NTM: variants seen among roughly 807,000 people sequenced by gnomAD.
The protein encoded by NTM is IgLON family member 2.
In NTM, 13 loss-of-function variants were observed where a neutral mutation model predicts 42.1. The ratio of observed to expected loss-of-function variants is 0.31; its 90% CI spans 0.20 to 0.49. The LOEUF (loss-of-function observed/expected upper bound fraction) is 0.49, where lower values mean the gene tolerates loss of function less well. Among genes scored for constraint, NTM ranks in the 20% least tolerant of loss-of-function variants. The probability of loss-of-function intolerance (pLI) is 0.99; values close to 1 mark genes in which losing one functional copy is unlikely to be tolerated. For synonymous variants in NTM, 187 were observed against 179.2 expected, an observed-to-expected ratio of 1.04 and a Z score of -0.35; for missense variants, 373 against 452.8, an observed-to-expected ratio of 0.82 and a Z score of 1.60.
intron 6 of NTM, 122 bp from the exon 7 acceptor site, chr11:132,314,430 A>G: frequency 1.9e-6 from 2 of 1,061,396 alleles, no homozygotes; most frequent in Non-Finnish European, 2.7e-6. Context: ...GGATCAAATA[A>G]TGGTTATAAT....
At chr11:131,860,424 A>C (rs942315472) in intron 1 of NTM, among the ~76,000 whole-genome samples, 1 of 152,202 alleles carries the variant, frequency 6.6e-6, no homozygotes, top group Admixed American at 6.5e-5. Flanking sequence ...CTGTCCCTCC[A>C]CAAAAATGCA....
At chr11:131,996,473 C>A (rs1429139618) in intron 2 of NTM, among the ~76,000 whole-genome samples, 1 of 152,166 alleles carries the variant, frequency 6.6e-6, no homozygotes, top group Non-Finnish European at 1.5e-5. Flanking sequence ...GAAATTTCAG[C>A]TCTTCTCTGT....
At chr11:131,725,060 T>C (rs2078797114) in intron 1 of NTM, among the ~76,000 whole-genome samples, 1 of 152,076 alleles carries the variant, frequency 6.6e-6, no homozygotes, top group Admixed American at 6.5e-5. Context: ...TGAATTCTCA[T>C]CGTGATGCAA....
At chr11:131,507,372 T>A (rs1177447106) in intron 1 of NTM, among the ~76,000 whole-genome samples, 2 of 151,216 alleles carry the variant, frequency 1.3e-5, no homozygotes, top group African/African-American at 2.4e-5. Context: ...GTTGTAGATA[T>A]GCGGCGTTAT....
intron 4 of NTM, among the ~76,000 whole-genome samples, chr11:132,301,386 A>T (rs971023903): frequency 3.9e-5 from 6 of 152,204 alleles, no homozygotes; most frequent in African/African-American, 1.4e-4. Flanking sequence ...AGATTTGGGT[A>T]GGGACACAGC....
chr11:131,422,000 C>T (rs183098287), intron 1 of NTM, among the ~76,000 whole-genome samples: 6 of 152,232 alleles, frequency 3.9e-5, no homozygotes, highest in South Asian at 4.2e-4. Context: ...AGCACAAGCC[C>T]GTGAAGAATC....
intron 1 of NTM, among the ~76,000 whole-genome samples, chr11:131,617,833 C>G (rs1216537694): frequency 6.6e-6 from 1 of 152,128 alleles, no homozygotes; most frequent in Non-Finnish European, 1.5e-5. Flanking sequence ...CAACCAGAAG[C>G]CTTTTGTAGA....
intron 1 of NTM, among the ~76,000 whole-genome samples, chr11:131,609,917 T>A (rs963005884): frequency 3.9e-5 from 6 of 152,214 alleles, no homozygotes; most frequent in Non-Finnish European, 8.8e-5. Flanking sequence ...GTTTTTCTTT[T>A]GCTTCTACCC....
chr11:131,993,344 G>C (rs540370157), intron 2 of NTM, among the ~76,000 whole-genome samples: 1 of 152,180 alleles, frequency 6.6e-6, no homozygotes, highest in South Asian at 2.1e-4. Context: ...GTCATCAGTT[G>C]TATCTGAAGG....
chr11:131,370,853 T>C lies in NTM; in HGVS notation c.47T>C (p.Ile16Thr), dbSNP rs777071115. 1.2e-6 allele frequency: 2 copies of C among 1,614,162 alleles called. No individual in the cohort carries two copies. Among genetic ancestry groups the C allele is most frequent in the South Asian group, 2.2e-5 (2 of 91,088 alleles). Residue 16 changes from isoleucine to threonine, a missense_variant, in exon 1 of 9, where the codon ATC (isoleucine) becomes ACC (threonine). By Grantham distance (89) the Ile-to-Thr change is moderately conservative (BLOSUM62 -1). Transcript: ENST00000683400. ...ATGCACAATTCTATCTCTTGGGCAA[T>C]CTTCACGGGGCTGGCTGCTCTGTGT... ...PKMHNSISWA[I>T]FTGLAALCLF...
chr11:131,809,283 C>T (rs1259652615), intron 1 of NTM, among the ~76,000 whole-genome samples: 1 of 152,194 alleles, frequency 6.6e-6, no homozygotes, highest in Non-Finnish European at 1.5e-5. Context: ...GGTAAGTAGC[C>T]ATCCTCCCCG....
intron 1 of NTM, among the ~76,000 whole-genome samples, chr11:131,761,483 G>A (rs912685456): frequency 4.3e-4 from 66 of 152,086 alleles, no homozygotes; most frequent in African/African-American, 1.5e-3. Context: ...TGAGGGTGAG[G>A]CCTGCGTGAT....
intron 1 of NTM, among the ~76,000 whole-genome samples, chr11:131,636,879 C>T (rs565271652): frequency 5.3e-5 from 8 of 152,264 alleles, no homozygotes; most frequent in Non-Finnish European, 8.8e-5. Flanking sequence ...AACTCCTCTC[C>T]GCTTGTTGTC....
chr11:131,815,056 G>T (rs536323344), intron 1 of NTM, among the ~76,000 whole-genome samples: 1 of 152,200 alleles, frequency 6.6e-6, no homozygotes, highest in East Asian at 1.9e-4. Flanking sequence ...AAAAATGCAA[G>T]CATGATCACC....
At chr11:131,475,388 A>C (rs1338219348) in intron 1 of NTM, among the ~76,000 whole-genome samples, 1 of 152,104 alleles carries the variant, frequency 6.6e-6, no homozygotes, top group African/African-American at 2.4e-5. Flanking sequence ...TTAATCCCCT[A>C]AACCTTTGTG....
intron 2 of NTM, among the ~76,000 whole-genome samples, chr11:132,011,121 CAATT>C (rs1361107780): frequency 1.3e-5 from 2 of 151,840 alleles, no homozygotes; most frequent in Non-Finnish European, 2.9e-5. Flanking sequence ...TCCCTTATAA[CAATT>C]AGGTCTACAA....
At chr11:132,301,282 G>A (rs1426365938) in intron 4 of NTM, among the ~76,000 whole-genome samples, 1 of 152,116 alleles carries the variant, frequency 6.6e-6, no homozygotes, top group Non-Finnish European at 1.5e-5. Context: ...ACTATCATGA[G>A]AACGGGATGG....
chr11:131,530,408 A>G (rs2051083286), intron 1 of NTM, among the ~76,000 whole-genome samples: 1 of 147,258 alleles, frequency 6.8e-6, no homozygotes, highest in Non-Finnish European at 1.5e-5. Context: ...TCATCTAGTA[A>G]AGTTGAGTGC....
intron 2 of NTM, among the ~76,000 whole-genome samples, chr11:131,916,093 C>T (rs112631112): frequency 0.015 from 2,280 of 152,260 alleles, 45 homozygotes; most frequent in African/African-American, 0.049. Context: ...ACCATGAAAA[C>T]GTGGGCGATC....
Sources: gnomAD v4.1 joint callset for allele counts (sites outside exome capture counted in the v4.1 genomes callset) on GRCh38, gnomAD v4.1.1 for gene constraint, MANE v1.5 for transcripts, NCBI Gene and HGNC (gene_info 2026-07-23, HGNC 2026-07-21) for gene names.